Variants in FAM81A observed in about 807,000 individuals in gnomAD.
FAM81A encodes family with sequence similarity 81 member A, also known as protein FAM81A.
A neutral mutation model predicts 46.7 loss-of-function variants in FAM81A; 19 were observed. The ratio of observed to expected loss-of-function variants is 0.41; its 90% CI spans 0.28 to 0.60. FAM81A has a LOEUF of 0.60. Ranked by LOEUF, FAM81A falls within the 20% of genes least tolerant of loss-of-function variation. FAM81A has a pLI of 0.34. For missense variants in FAM81A, 377 were observed against 453.5 expected, an observed-to-expected ratio of 0.83 and a Z score of 1.53; for synonymous variants, 183 against 152.9, an observed-to-expected ratio of 1.20 and a Z score of -1.45.
chr15:59,511,601 A>C (rs1230967610), intron 6 of FAM81A, among the ~76,000 whole-genome samples: 1 of 152,128 alleles, frequency 6.6e-6, no homozygotes, highest in Non-Finnish European at 1.5e-5. Context: ...AATTCTCCCA[A>C]ATGTGAACCA....
At chr15:59,458,682 G>A (rs754669381) in intron 2 of FAM81A, 36 bp downstream of exon 2, 2 of 1,567,512 alleles carry the variant, frequency 1.3e-6, no homozygotes, top group Middle Eastern at 1.7e-4. Flanking sequence ...CATGGGGGCT[G>A]CTAGTGGGTG....
At chr15:59,482,611 C>G (rs2081867306) in intron 3 of FAM81A, among the ~76,000 whole-genome samples, 1 of 152,194 alleles carries the variant, frequency 6.6e-6, no homozygotes, top group Admixed American at 6.5e-5. Flanking sequence ...GGCTCGTTCT[C>G]TAGCTTTGGT....
chr15:59,470,360 C>T (rs933663449), intron 3 of FAM81A, among the ~76,000 whole-genome samples: 2 of 152,204 alleles, frequency 1.3e-5, no homozygotes, highest in Non-Finnish European at 2.9e-5. Context: ...TAGATTTGGT[C>T]TTTTCACATA....
intron 3 of FAM81A, among the ~76,000 whole-genome samples, chr15:59,477,024 G>A (rs2081779622): frequency 6.6e-6 from 1 of 151,676 alleles, no homozygotes; most frequent in South Asian, 2.1e-4. Context: ...GGAGGCTGAG[G>A]CAGGAGAATC....
At chr15:59,477,047 G>A (rs1397544639) in intron 3 of FAM81A, among the ~76,000 whole-genome samples, 3 of 151,656 alleles carry the variant, frequency 2.0e-5, no homozygotes, top group Non-Finnish European at 4.4e-5. Context: ...TTGAACCCAG[G>A]AGGCGGAGGT....
chr15:59,411,995 C>CA (rs397736383), intron 2 of FAM81A, among the ~76,000 whole-genome samples: 10,756 of 121,026 alleles, frequency 0.089, 576 homozygotes, highest in African/African-American at 0.17. Flanking sequence ...AAGAAACAAA[C>CA]AAAAAAAAAA....
At chr15:59,477,134 C>T (rs1187972684) in intron 3 of FAM81A, among the ~76,000 whole-genome samples, 1 of 148,740 alleles carries the variant, frequency 6.7e-6, no homozygotes, top group African/African-American at 2.5e-5. Flanking sequence ...AAAAAAAAAG[C>T]AAAAACAAAC....
At chr15:59,433,828 C>T (rs57330740), upstream of FAM81A, among the ~76,000 whole-genome samples, 1 of 152,156 alleles carries the variant, frequency 6.6e-6, no homozygotes, top group Non-Finnish European at 1.5e-5. Flanking sequence ...TAAGATTTCT[C>T]TTATTCGGTG....
intron 1 of FAM81A, among the ~76,000 whole-genome samples, chr15:59,441,138 T>A (rs1245895197): frequency 6.6e-6 from 1 of 152,198 alleles, no homozygotes; most frequent in Non-Finnish European, 1.5e-5. Flanking sequence ...TCCACACTCT[T>A]CATTCTCTGG....
chr15:59,449,022 T>C (rs1489380528), intron 1 of FAM81A, among the ~76,000 whole-genome samples: 1 of 152,204 alleles, frequency 6.6e-6, no homozygotes, highest in African/African-American at 2.4e-5. Context: ...TGCTCTTCTA[T>C]TGTTGGACAT....
intron 2 of FAM81A, among the ~76,000 whole-genome samples, chr15:59,411,132 A>G (rs1377608500): frequency 6.6e-6 from 1 of 152,148 alleles, no homozygotes; most frequent in Non-Finnish European, 1.5e-5. Flanking sequence ...AGCTTTTATA[A>G]TTACTTTATT....
At chr15:59,462,245 G>C (rs2081561528) in intron 3 of FAM81A, among the ~76,000 whole-genome samples, 1 of 151,308 alleles carries the variant, frequency 6.6e-6, no homozygotes, top group African/African-American at 2.4e-5. Context: ...TTTCCAAAGT[G>C]GCTATAACAT....
intron 4 of FAM81A, among the ~76,000 whole-genome samples, chr15:59,502,815 C>T (rs1390638279): frequency 6.6e-6 from 1 of 152,002 alleles, no homozygotes; most frequent in Non-Finnish European, 1.5e-5. Flanking sequence ...GCCACCGCGC[C>T]AGCCGTGTTT....
At chr15:59,465,133 A>G (rs1460159429) in intron 3 of FAM81A, among the ~76,000 whole-genome samples, 1 of 152,092 alleles carries the variant, frequency 6.6e-6, no homozygotes, top group Non-Finnish European at 1.5e-5. Flanking sequence ...AGATACGTGG[A>G]TTAATTTCTA....
At position 59,507,260 on chromosome 15, in the gene FAM81A, A is replaced by G. The variant is rs766999538; in HGVS notation, c.461A>G (p.Tyr154Cys). Reference sequence around the variant, plus strand: ...CTTTCTGCAGAGCACAAAACGACCTATGAGGGGCTCCAGCACTTGAACAAA... The same window carrying G: ...CTTTCTGCAGAGCACAAAACGACCTGTGAGGGGCTCCAGCACTTGAACAAA... ...ARLSAEHKTT[Y>C]EGLQHLNKEQ... The change falls in exon 5 of 9, where the codon TAT (tyrosine) becomes TGT (cysteine). Residue 154 changes from tyrosine to cysteine, a missense_variant. Transcript: ENST00000288228. 5.6e-6 allele frequency: 9 copies of G among 1,612,062 alleles called. No homozygotes were observed. The South Asian group carries it at 7.7e-5, about 14-fold the overall frequency.
chr15:59,428,179 C>G (rs1384844045), intron 2 of FAM81A, among the ~76,000 whole-genome samples: 1 of 152,200 alleles, frequency 6.6e-6, no homozygotes. Flanking sequence ...TTTTCATACA[C>G]CTGTTTGCCA....
intron 2 of FAM81A, chr15:59,408,141 T>A: frequency 6.4e-6 from 1 of 156,578 alleles, no homozygotes; most frequent in Non-Finnish European, 1.4e-5. Context: ...CTTGGCCTTC[T>A]TCCCTTTTGG....
intron 1 of FAM81A, among the ~76,000 whole-genome samples, chr15:59,442,933 T>G (rs1317737078): frequency 1.3e-5 from 2 of 152,210 alleles, no homozygotes; most frequent in Non-Finnish European, 2.9e-5. Flanking sequence ...TCGTGTATAT[T>G]TCCTTTTAAA....
chr15:59,495,524 G>A lies in FAM81A; in HGVS notation c.413+3135G>A, dbSNP rs374490478. On this transcript the variant is annotated intron_variant, in intron 4 of 8. Transcript: ENST00000288228. ...TGCTCATAGGTTTTCATTTCTCTTG[G>A]ATATGTACCTAGAATGAAAAAGCTG... 5.9e-5 allele frequency among the ~76,000 whole-genome samples: 9 copies of A among 152,198 alleles called. No homozygotes were observed. In the East Asian group the frequency reaches 7.7e-4, roughly 13 times the overall value.
Sources: allele counts gnomAD v4.1 joint callset (sites outside exome capture counted in the v4.1 genomes callset), GRCh38; gene constraint gnomAD v4.1.1; transcripts MANE v1.5; gene names NCBI Gene and HGNC (gene_info 2026-07-23, HGNC 2026-07-21).